The following CHIA variants were observed in gnomAD, a reference collection of about 807,000 sequenced individuals.
The protein encoded by CHIA is chitinase acidic.
A neutral mutation model predicts 53.5 loss-of-function variants in CHIA; 47 were observed. That is an observed-to-expected ratio of 0.88 (90% CI 0.70 to 1.12). The LOEUF is 1.12. CHIA is among the 50% of genes most tolerant of loss of function. The probability of loss-of-function intolerance (pLI) is 0.00; values close to 1 mark genes in which losing one functional copy is unlikely to be tolerated. For missense variants in CHIA, 652 were observed against 592.2 expected (o/e 1.10, Z -1.05); for synonymous variants, 268 against 222.2 (o/e 1.21, Z -1.83).
At position 111,293,535 on chromosome 1, in the gene CHIA, T is replaced by A. The variant is rs1277058779; in HGVS notation, c.-69+2585T>A. Among the ~76,000 whole-genome samples, 3 of 152,208 alleles carry A rather than the reference T, an allele frequency of 2.0e-5. No individual in the cohort carries two copies. In the East Asian group the frequency reaches 5.8e-4, roughly 29 times the overall value. On this transcript the variant is annotated intron_variant, in intron 1 of 11. Transcript: ENST00000369740. Reference sequence around the variant, plus strand: ...CAAATATTTTCTACCATTCCGTGAGTTGCACTTTTACTCTGTTTGCATTGT... The same window carrying A: ...CAAATATTTTCTACCATTCCGTGAGATGCACTTTTACTCTGTTTGCATTGT...
At chr1:111,308,548 T>C (rs971956786) in intron 1 of CHIA, among the ~76,000 whole-genome samples, 1 of 152,176 alleles carries the variant, frequency 6.6e-6, no homozygotes, top group African/African-American at 2.4e-5. Context: ...CTGATGATAG[T>C]CATTTTTTTT....
intron 3 of CHIA, 71 bp downstream of exon 3, chr1:111,311,789 C>T: frequency 1.3e-6 from 2 of 1,510,976 alleles, no homozygotes; most frequent in South Asian, 1.1e-5. Context: ...GGAAAGAGAG[C>T]CGCTGTTTGC....
chr1:111,299,321 T>C (rs565492704), intron 1 of CHIA, among the ~76,000 whole-genome samples: 5 of 152,136 alleles, frequency 3.3e-5, no homozygotes, highest in African/African-American at 9.7e-5. Flanking sequence ...CTGATGACCA[T>C]TGATGCAAAA....
At chr1:111,307,655 T>C (rs1254194722) in intron 1 of CHIA, among the ~76,000 whole-genome samples, 1 of 151,556 alleles carries the variant, frequency 6.6e-6, no homozygotes, top group Non-Finnish European at 1.5e-5. Context: ...TTTTTTTTTT[T>C]CTTGAGATGG....
At chr1:111,308,793 T>C (rs1359161102) in intron 1 of CHIA, among the ~76,000 whole-genome samples, 1 of 152,184 alleles carries the variant, frequency 6.6e-6, no homozygotes, top group Non-Finnish European at 1.5e-5. Context: ...TGGTTTCTAT[T>C]GTATTAGAGG....
At chr1:111,309,833 C>T (rs1375182445) in intron 1 of CHIA, among the ~76,000 whole-genome samples, 3 of 152,182 alleles carry the variant, frequency 2.0e-5, no homozygotes, top group African/African-American at 4.8e-5. Context: ...TTTGAAACTA[C>T]AGAACACTAG....
chr1:111,301,361 A>C lies in CHIA; in HGVS notation c.-68-9039A>C, dbSNP rs1447992882. Among the ~76,000 whole-genome samples the C allele has an allele frequency of 2.0e-5, 3 of 152,302 alleles. No individual in the cohort carries two copies. In the East Asian group the frequency reaches 5.8e-4, roughly 29 times the overall value. ...TCCATCAATGATAGACTGAATAAAG[A>C]AAATATGGCACATATACACCATGAA... is the stretch of plus-strand genomic sequence containing the variant. On this transcript the variant is annotated intron_variant, in intron 1 of 11. Transcript: ENST00000369740.
rs145112805 is a variant in CHIA, at chr1:111,315,477, A to C, written c.480+42A>C. On this transcript the variant is annotated intron_variant, in intron 6 of 11. Transcript: ENST00000369740. ...CAGTCTTTAGCCCAAAAAGATTCAAAGTCTTTCTTTCCGAGGAGAATTGGG... is the reference window on the plus strand; with the variant it reads ...CAGTCTTTAGCCCAAAAAGATTCAACGTCTTTCTTTCCGAGGAGAATTGGG... 5.7e-5 allele frequency: 90 copies of C among 1,587,842 alleles called. No homozygotes were observed. The African/African-American group carries it at 9.7e-4, about 17-fold the overall frequency.
intron 1 of CHIA, among the ~76,000 whole-genome samples, chr1:111,291,498 C>A (rs1208535077): frequency 6.8e-6 from 1 of 147,012 alleles, no homozygotes; most frequent in Non-Finnish European, 1.5e-5. Context: ...ACAAGAAACA[C>A]TGGAGCCAGC....
rs756648314 is a variant in CHIA at position 111,312,276 on chromosome 1, C to T, written c.142C>T (p.Pro48Ser). The T allele has an allele frequency of 1.2e-6, 2 of 1,613,982 alleles. No individual in the cohort carries two copies. The highest frequency in any genetic ancestry group is 8.5e-7 in the Non-Finnish European group (1 of 1,179,906). The change falls in exon 4 of 12, where the codon CCC (proline) becomes TCC (serine). Residue 48 changes from proline to serine, a missense_variant. Physicochemically the swap from Pro to Ser is moderately conservative, Grantham distance 74. Transcript: ENST00000369740. ...LGRFMPDNID[P>S]CLCTHLIYAF... Reference sequence around the variant, plus strand: ...GCGCTTCATGCCTGACAACATCGACCCCTGCCTCTGTACCCACCTGATCTA... The same window carrying T: ...GCGCTTCATGCCTGACAACATCGACTCCTGCCTCTGTACCCACCTGATCTA...
At chr1:111,313,364 C>T (rs919616474) in intron 4 of CHIA, among the ~76,000 whole-genome samples, 1 of 152,024 alleles carries the variant, frequency 6.6e-6, no homozygotes, top group Non-Finnish European at 1.5e-5. Context: ...TGAGTGGTAT[C>T]TCATTTGATT....
intron 1 of CHIA, among the ~76,000 whole-genome samples, chr1:111,292,094 C>T (rs963814600): frequency 6.6e-6 from 1 of 152,162 alleles, no homozygotes; most frequent in South Asian, 2.1e-4. Context: ...TGCAAACTCC[C>T]CTTTCCCCTA....
chr1:111,320,076 C>T (rs1393417259), intron 11 of CHIA, 137 bp from the exon 12 acceptor site: 3 of 691,170 alleles, frequency 4.3e-6, no homozygotes, highest in Non-Finnish European at 7.6e-6. Context: ...GAGCTACTTT[C>T]TCTTCTCAGT....
At position 111,317,781 on chromosome 1, in the gene CHIA, G is replaced by A; in HGVS notation, c.581G>A (p.Gly194Asp). 6.2e-7 allele frequency: 1 copy of A among 1,613,550 alleles called. No individual in the cohort carries two copies. Among genetic ancestry groups the A allele is most frequent in the Middle Eastern group, 1.8e-4 (1 of 5,578 alleles). The change falls in exon 7 of 12, where the codon GGC (glycine) becomes GAC (aspartate). Residue 194 changes from glycine to aspartate, a missense_variant. Gly to Asp is a moderately conservative substitution (Grantham distance 94). Transcript: ENST00000369740. ...GCTGGCATCTCCAATATCCAGTCTG[G>A]CTATGAGATCCCCCAACTGTCACAG... is the stretch of plus-strand genomic sequence containing the variant. ...VAAGISNIQS[G>D]YEIPQLSQYL...
intron 11 of CHIA, 67 bp downstream of exon 11, chr1:111,319,535 A>G (rs1301252695): frequency 8.1e-6 from 12 of 1,476,970 alleles, no homozygotes; most frequent in Non-Finnish European, 1.1e-5. Flanking sequence ...AGCAACCCTG[A>G]TGTCTTCCCA....
At chr1:111,308,764 C>T (rs1648426243) in intron 1 of CHIA, among the ~76,000 whole-genome samples, 1 of 152,086 alleles carries the variant, frequency 6.6e-6, no homozygotes, top group African/African-American at 2.4e-5. Flanking sequence ...CCTCCCACAC[C>T]CCTCCCCATA....
rs1486451362 is a variant in CHIA, at chr1:111,294,349, CT to C, written c.-69+3406del. On this transcript the variant is annotated intron_variant, in intron 1 of 11. Transcript: ENST00000369740. ...AAATGAAATTATTTTTATAATTTTTCTTTTTTTATTCTCTTTGTTAGTTTAT... is the reference window on the plus strand; with the variant it reads ...AAATGAAATTATTTTTATAATTTTTCTTTTTTATTCTCTTTGTTAGTTTAT... 2.6e-5 allele frequency among the ~76,000 whole-genome samples: 4 copies of C among 151,856 alleles called. No individual in the cohort carries two copies. The East Asian group carries it at 5.8e-4, about 22-fold the overall frequency.
At position 111,317,662 on chromosome 1, in the gene CHIA, A is replaced by G; in HGVS notation, c.481-19A>G. The G allele has an allele frequency of 1.9e-6, 3 of 1,614,098 alleles. No homozygotes were observed. The highest frequency in any genetic ancestry group is 2.2e-5 in the East Asian group (1 of 44,890). ...AAATCAGCATCATAGATGTCCTATT[A>G]TGCCTTATTATTCTGTAGGAAATGC... On this transcript the variant is annotated intron_variant, in intron 6 of 11. Transcript: ENST00000369740.
chr1:111,319,525 A>G, intron 11 of CHIA, 57 bp downstream of exon 11: 1 of 1,555,404 alleles, frequency 6.4e-7, no homozygotes, highest in Non-Finnish European at 8.8e-7. Context: ...CAACTCAAAA[A>G]GCAACCCTGA....
Sources: allele counts gnomAD v4.1 joint callset (sites outside exome capture counted in the v4.1 genomes callset), GRCh38; gene constraint gnomAD v4.1.1; transcripts MANE v1.5; gene names NCBI Gene and HGNC (gene_info 2026-07-23, HGNC 2026-07-21).